Variants in SP1 observed in about 807,000 individuals in gnomAD.
The protein encoded by SP1 is transcription factor Sp1.
In SP1, 6 loss-of-function variants were observed where a neutral mutation model predicts 66.3. The ratio of observed to expected loss-of-function variants is 0.09; its 90% CI spans 0.05 to 0.18. The LOEUF (loss-of-function observed/expected upper bound fraction) is 0.18. SP1 is among the 10% of genes least tolerant of loss of function. SP1 has a pLI of 1.00. For missense variants in SP1, 848 were observed against 964.5 expected (o/e 0.88, Z 1.60); for synonymous variants, 417 against 360.8 (o/e 1.16, Z -1.77).
At chr12:53,409,262 T>C in intron 4 of SP1, 100 bp from the exon 5 acceptor site, 3 of 918,312 alleles carry the variant, frequency 3.3e-6, no homozygotes, top group South Asian at 1.7e-5. Context: ...AAATAAAAGT[T>C]TGGGTTAGTT....
In SP1 at chr12:53,382,327, G is replaced by A. The variant is rs2136887185; in HGVS notation, c.380G>A (p.Ser127Asn). 1 of 1,614,212 alleles carries A rather than the reference G, an allele frequency of 6.2e-7. No individual in the cohort carries two copies. Reference sequence around the variant, plus strand: ...ACCTCAAAGGAACAGAGTGGCAGCAGTACCAATGGCAGCAATGGCAGTGAG... The same window carrying A: ...ACCTCAAAGGAACAGAGTGGCAGCAATACCAATGGCAGCAATGGCAGTGAG... Reference protein sequence around the residue: ...TPTSKEQSGSSTNGSNGSESS... With the variant: ...TPTSKEQSGSNTNGSNGSESS... The change falls in exon 3 of 6, where the codon AGT (serine) becomes AAT (asparagine). Residue 127 changes from serine to asparagine, a missense_variant. Physicochemically the swap from Ser to Asn is conservative, Grantham distance 46 (BLOSUM62 1). Coordinates refer to ENST00000327443, the MANE Select transcript of SP1 (RefSeq NM_138473.3).
rs766745116 is a variant in SP1 at position 53,406,636 on chromosome 12, A to C, written c.1727A>C (p.His576Pro). ...GLHGAGGDGIHDDTAGGEEGE... is the reference protein window; with the variant it reads ...GLHGAGGDGIPDDTAGGEEGE... ...CATGGGGCTGGTGGTGATGGAATACATGATGACACAGCAGGTGGAGAGGAA... is the reference window on the plus strand; with the variant it reads ...CATGGGGCTGGTGGTGATGGAATACCTGATGACACAGCAGGTGGAGAGGAA... The change falls in exon 4 of 6, where the codon CAT becomes CCT. Residue 576 changes from histidine (H) to proline (P), a missense_variant. This residue lies in a region of SP1 where 26 missense variants were observed against 49.2 expected (regional missense o/e 0.53). Transcript: ENST00000327443. 1.2e-6 allele frequency: 2 copies of C among 1,614,072 alleles called. No individual in the cohort carries two copies. The highest frequency in any genetic ancestry group is 2.2e-5 in the East Asian group (1 of 44,882).
chr12:53,393,475 G>GT (rs1938402744), intron 3 of SP1, among the ~76,000 whole-genome samples: 1 of 151,810 alleles, frequency 6.6e-6, no homozygotes, highest in African/African-American at 2.4e-5. Flanking sequence ...TAGAGATGGA[G>GT]TTTCTCCATG....
chr12:53,392,382 A>G (rs1592561456), intron 3 of SP1, among the ~76,000 whole-genome samples: 1 of 86,130 alleles, frequency 1.2e-5, no homozygotes, highest in Non-Finnish European at 2.1e-5. Context: ...TTTGAGACGG[A>G]GTCTCGCTCT....
intron 5 of SP1, among the ~76,000 whole-genome samples, chr12:53,410,247 G>A (rs1376486210): frequency 6.8e-6 from 1 of 147,508 alleles, no homozygotes; most frequent in Admixed American, 6.8e-5. Flanking sequence ...GGAGGTTACA[G>A]TGAGCTGAGA....
intron 3 of SP1, among the ~76,000 whole-genome samples, chr12:53,394,568 GTCTTT>G (rs1341562010): frequency 2.3e-5 from 3 of 132,064 alleles, no homozygotes; most frequent in South Asian, 2.4e-4. Context: ...GTGCTGCGTG[GTCTTT>G]TCTTTTCTTC....
At chr12:53,384,015 G>T (rs1706261529) in intron 3 of SP1, among the ~76,000 whole-genome samples, 1 of 151,212 alleles carries the variant, frequency 6.6e-6, no homozygotes, top group Non-Finnish European at 1.5e-5. Flanking sequence ...TGTCATCCAG[G>T]CTGGAGTGCA....
At chr12:53,406,437 C>G in intron 3 of SP1, 148 bp from the exon 4 acceptor site, 7 of 638,394 alleles carry the variant, frequency 1.1e-5, no homozygotes, top group Non-Finnish European at 1.9e-5. Context: ...AATGGAATGG[C>G]TAAACATAAA....
At chr12:53,388,483 A>G (rs797005606) in intron 3 of SP1, among the ~76,000 whole-genome samples, 39 of 152,306 alleles carry the variant, frequency 2.6e-4, no homozygotes, top group African/African-American at 8.7e-4. Flanking sequence ...ATAATGAGGC[A>G]TTGACAGGCT....
chr12:53,381,974 A>G (rs919473631), intron 2 of SP1, 136 bp from the exon 3 acceptor site: 5 of 1,144,958 alleles, frequency 4.4e-6, no homozygotes, highest in Admixed American at 5.2e-5. Context: ...AGTTTCAGCA[A>G]TACAGATAGG....
At chr12:53,380,450 G>A in intron 1 of SP1, 152 bp downstream of exon 1, 1 of 687,860 alleles carries the variant, frequency 1.5e-6, no homozygotes, top group Non-Finnish European at 2.1e-6. Context: ...GGGAAGGGAG[G>A]GAGACGGGGC....
chr12:53,387,134 G>A (rs1938248254), intron 3 of SP1, among the ~76,000 whole-genome samples: 1 of 151,598 alleles, frequency 6.6e-6, no homozygotes, highest in Admixed American at 6.6e-5. Flanking sequence ...TATTTTTTTA[G>A]TAGCGATTGG....
At chr12:53,401,694 C>G (rs1009687720) in intron 3 of SP1, among the ~76,000 whole-genome samples, 1 of 152,004 alleles carries the variant, frequency 6.6e-6, no homozygotes, top group African/African-American at 2.4e-5. Context: ...TTTGCCACTC[C>G]TTAAGATATT....
chr12:53,382,457 T>C lies in SP1; in HGVS notation c.510T>C (p.Asn170=). 6.2e-7 allele frequency: 1 copy of C among 1,614,154 alleles called. No individual in the cohort carries two copies. The highest frequency in any genetic ancestry group is 8.5e-7 in the Non-Finnish European group (1 of 1,180,030). ...CAGGACTACCTGGAGTGATGCCTAATATTCAGTATCAAGTAATCCCACAGT... is the reference window on the plus strand; with the variant it reads ...CAGGACTACCTGGAGTGATGCCTAACATTCAGTATCAAGTAATCCCACAGT... ...VLTGLPGVMP[N]IQYQVIPQFQ... The change falls in exon 3 of 6, where the codon AAT becomes AAC. Residue 170 remains asparagine (N), a synonymous_variant. Coordinates refer to ENST00000327443, the MANE Select transcript of SP1 (RefSeq NM_138473.3).
rs565869087 is a variant in SP1, at chr12:53,398,363, A to G, written c.1676-8222A>G. ...AGTGCCATGATCTTGGTTCACTGCAACCTCTGCCTCCCGGGTTCAAGCAAT... is the reference window on the plus strand; with the variant it reads ...AGTGCCATGATCTTGGTTCACTGCAGCCTCTGCCTCCCGGGTTCAAGCAAT... On this transcript the variant is annotated intron_variant, in intron 3 of 5. Transcript: ENST00000327443. 1.2e-4 allele frequency among the ~76,000 whole-genome samples: 18 copies of G among 152,114 alleles called. No individual in the cohort carries two copies. The South Asian group carries it at 3.7e-3, about 32-fold the overall frequency.
intron 3 of SP1, among the ~76,000 whole-genome samples, chr12:53,401,700 A>G (rs1183426727): frequency 6.6e-6 from 1 of 152,126 alleles, no homozygotes; most frequent in Non-Finnish European, 1.5e-5. Flanking sequence ...ACTCCTTAAG[A>G]TATTTTCCTA....
intron 4 of SP1, among the ~76,000 whole-genome samples, chr12:53,409,115 C>T (rs1383873851): frequency 6.6e-6 from 1 of 151,852 alleles, no homozygotes; most frequent in Non-Finnish European, 1.5e-5. Context: ...ATCCCAGCTA[C>T]TCGGGAGGCT....
intron 3 of SP1, among the ~76,000 whole-genome samples, chr12:53,389,344 C>G (rs993734647): frequency 1.3e-5 from 2 of 151,130 alleles, no homozygotes; most frequent in African/African-American, 4.9e-5. Context: ...GCCTCAGCCT[C>G]CCGAGTAATG....
At chr12:53,398,282 TG>T in intron 3 of SP1, among the ~76,000 whole-genome samples, 1 of 152,280 alleles carries the variant, frequency 6.6e-6, no homozygotes, top group East Asian at 1.9e-4. Flanking sequence ...CCTCTTTTTT[TG>T]TTTTTGTTTT....
Sources: allele counts gnomAD v4.1 joint callset (sites outside exome capture counted in the v4.1 genomes callset), GRCh38; gene constraint gnomAD v4.1.1; regional missense constraint gnomAD v4.1.1; transcripts MANE v1.5; gene names NCBI Gene and HGNC (gene_info 2026-07-23, HGNC 2026-07-21).